Variants in EHF observed in about 807,000 individuals in gnomAD.
EHF encodes the protein ESE3 transcription factor.
A neutral mutation model predicts 45.1 loss-of-function variants in EHF; 14 were observed. The ratio of observed to expected loss-of-function variants is 0.31; its 90% confidence interval spans 0.21 to 0.49. The LOEUF is 0.49. Ranked by LOEUF, EHF falls within the 20% of genes least tolerant of loss-of-function variation. The probability of loss-of-function intolerance (pLI) is 0.99; values close to 1 mark genes in which losing one functional copy is unlikely to be tolerated. For synonymous variants in EHF, 136 were observed against 131.8 expected (o/e 1.03, Z -0.22); for missense variants, 282 against 371.4 (o/e 0.76, Z 1.98).
chr11:34,651,170 C>T (rs994108112), intron 4 of EHF, among the ~76,000 whole-genome samples: 2 of 151,672 alleles, frequency 1.3e-5, no homozygotes, highest in Admixed American at 6.6e-5. Flanking sequence ...GGCCTTCCCC[C>T]CCACCACACT....
intron 6 of EHF, among the ~76,000 whole-genome samples, chr11:34,655,779 G>C (rs1465260118): frequency 2.6e-5 from 4 of 152,120 alleles, no homozygotes; most frequent in African/African-American, 9.7e-5. Flanking sequence ...CTAATGGCTG[G>C]CAGTTCATAG....
intron 4 of EHF, among the ~76,000 whole-genome samples, chr11:34,651,036 C>T (rs936059471): frequency 6.6e-6 from 1 of 152,068 alleles, no homozygotes; most frequent in African/African-American, 2.4e-5. Context: ...TGACAAATCT[C>T]TGGATTTCAG....
chr11:34,636,557 C>T (rs1334505311), intron 1 of EHF, among the ~76,000 whole-genome samples: 1 of 152,222 alleles, frequency 6.6e-6, no homozygotes, highest in Admixed American at 6.5e-5. Context: ...CAAATAATCT[C>T]ATTTAGTCCT....
chr11:34,623,420 T>C (rs1852121886), intron 1 of EHF, among the ~76,000 whole-genome samples: 1 of 152,088 alleles, frequency 6.6e-6, no homozygotes, highest in Non-Finnish European at 1.5e-5. Flanking sequence ...TAGTCTATCG[T>C]GATCTCCCAG....
At chr11:34,630,060 A>G (rs562773372) in intron 1 of EHF, among the ~76,000 whole-genome samples, 77 of 152,270 alleles carry the variant, frequency 5.1e-4, no homozygotes, top group Middle Eastern at 3.4e-3. Context: ...GGGAGCTTCC[A>G]TATTAGGGTA....
At chr11:34,626,143 T>A (rs769768193) in intron 1 of EHF, among the ~76,000 whole-genome samples, 2 of 152,214 alleles carry the variant, frequency 1.3e-5, no homozygotes, top group Non-Finnish European at 2.9e-5. Context: ...ATTATGAACA[T>A]CAAATTTCAT....
Position 34,659,673 on chromosome 11 carries a change from G to A in EHF, c.*742G>A, listed in dbSNP as rs952746251. 9 of 152,140 alleles carry A rather than the reference G, an allele frequency of 5.9e-5. No homozygotes were observed. The highest frequency in any genetic ancestry group is 2.2e-4 in the African/African-American group (9 of 41,442). The allele number at this position is 152,140 out of a possible 1,614,324, so 9.4% of individuals were successfully genotyped here. On this transcript the variant is annotated 3_prime_UTR_variant, in exon 9 of 9. Transcript: ENST00000257831. ...TAATTGCCCTGTCTGCTCACTTCTA[G>A]CTATTTAAGAGAGAACCCAGCTTGG...
At chr11:34,640,022 C>T (rs370827281) in intron 1 of EHF, among the ~76,000 whole-genome samples, 1 of 145,978 alleles carries the variant, frequency 6.9e-6, no homozygotes, top group African/African-American at 2.5e-5. Context: ...TTATTAAATT[C>T]TTTTTTTTTT....
intron 1 of EHF, among the ~76,000 whole-genome samples, chr11:34,623,614 T>C (rs1293855629): frequency 1.3e-5 from 2 of 152,212 alleles, no homozygotes; most frequent in Non-Finnish European, 2.9e-5. Flanking sequence ...AAAGGTTTAC[T>C]AGGTTGCATT....
intron 2 of EHF, among the ~76,000 whole-genome samples, chr11:34,643,600 C>A (rs150332485): frequency 6.6e-6 from 1 of 152,202 alleles, no homozygotes; most frequent in African/African-American, 2.4e-5. Flanking sequence ...TATTCTGCAG[C>A]GAGTGCTAAT....
At chr11:34,622,392 AGGAGT>A in intron 1 of EHF, 1 of 1,284,694 alleles carries the variant, frequency 7.8e-7, no homozygotes, top group Non-Finnish European at 1.0e-6. Context: ...AGTCTAATTC[AGGAGT>A]TGGTTCTGCA....
intron 2 of EHF, among the ~76,000 whole-genome samples, chr11:34,644,974 C>A (rs943224290): frequency 3.3e-5 from 5 of 152,188 alleles, no homozygotes; most frequent in African/African-American, 1.2e-4. Context: ...ACATTTTCTT[C>A]TACTGGTCCA....
At position 34,627,745 on chromosome 11, in the gene EHF, TA is replaced by T. The variant is rs1188354906; in HGVS notation, c.-4+6526del. Among the ~76,000 whole-genome samples the T allele has an allele frequency of 1.9e-4, 29 of 151,622 alleles. No individual in the cohort carries two copies. The East Asian group carries it at 3.3e-3, about 17-fold the overall frequency. On this transcript the variant is annotated intron_variant, in intron 1 of 8. Transcript: ENST00000257831. ...TTCAGGGTTTCTGTGAACTTGGATG[TA>T]AAAAAAAATTGTCTTTATTTTCAAT...
Position 34,649,495 on chromosome 11 carries a change from A to G in EHF, c.406+414A>G, listed in dbSNP as rs191007484. 2.6e-5 allele frequency among the ~76,000 whole-genome samples: 4 copies of G among 152,252 alleles called. No homozygotes were observed. In the East Asian group the frequency reaches 7.7e-4, roughly 29 times the overall value. On this transcript the variant is annotated intron_variant, in intron 4 of 8. Transcript: ENST00000257831. ...TCCCTTGATGGGTGTGTGTTTCACA[A>G]AAAGGGTGAATATACTAACTTGGTA...
chr11:34,635,715 T>C (rs1853335275), intron 1 of EHF, among the ~76,000 whole-genome samples: 1 of 150,964 alleles, frequency 6.6e-6, no homozygotes, highest in African/African-American at 2.4e-5. Context: ...TTTTTTTTTT[T>C]TTTTGCACCT....
Position 34,659,259 on chromosome 11 carries a change from T to G in EHF, c.*328T>G, listed in dbSNP as rs1158560078. 1 of 197,878 alleles carries G rather than the reference T, an allele frequency of 5.1e-6. No homozygotes were observed. 12.3% of individuals were successfully genotyped at this position (197,878 alleles called of 1,614,324 possible). A position where few individuals can be genotyped will look rare whatever the true frequency, so the allele number is the denominator to read the frequency against. On this transcript the variant is annotated 3_prime_UTR_variant, in exon 9 of 9. Coordinates refer to ENST00000257831, the MANE Select transcript of EHF (RefSeq NM_012153.6). ...GGATTTGTAGCCTTGTGCTTCTTGC[T>G]AAGAGAAAGAAAAACAAAATCAGAG... is the stretch of plus-strand genomic sequence containing the variant.
At chr11:34,624,889 C>T (rs1448132991) in intron 1 of EHF, among the ~76,000 whole-genome samples, 1 of 152,122 alleles carries the variant, frequency 6.6e-6, no homozygotes, top group Non-Finnish European at 1.5e-5. Context: ...CCTGGTCTAG[C>T]ACTGGCAGAG....
intron 6 of EHF, among the ~76,000 whole-genome samples, chr11:34,652,276 C>T (rs778509694): frequency 6.6e-5 from 10 of 152,178 alleles, no homozygotes; most frequent in Admixed American, 3.9e-4. Context: ...CTTCCAGAAT[C>T]CCCACAGTTA....
chr11:34,643,389 T>C (rs947696114), intron 2 of EHF, among the ~76,000 whole-genome samples: 3 of 152,150 alleles, frequency 2.0e-5, no homozygotes, highest in African/African-American at 7.2e-5. Flanking sequence ...CATACCCCAA[T>C]TTAGAGCTCT....
Sources: gnomAD v4.1 joint callset for allele counts (sites outside exome capture counted in the v4.1 genomes callset) on GRCh38, gnomAD v4.1.1 for gene constraint, MANE v1.5 for transcripts, NCBI Gene and HGNC (gene_info 2026-07-23, HGNC 2026-07-21) for gene names.